ADAM22: variants seen among roughly 807,000 people sequenced by gnomAD.
The protein encoded by ADAM22 is ADAM metallopeptidase domain 22.
In ADAM22, 65 loss-of-function variants were observed where a neutral mutation model predicts 144.6. The observed-to-expected ratio is 0.45, with a 90% CI of 0.37 to 0.55. The LOEUF is 0.55. ADAM22 is among the 20% of genes least tolerant of loss of function. The probability of loss-of-function intolerance (pLI) is 0.00; values close to 1 mark genes in which losing one functional copy is unlikely to be tolerated. For missense variants in ADAM22, 974 were observed against 1,184.9 expected (o/e 0.82, Z 2.61); for synonymous variants, 391 against 412.6 (o/e 0.95, Z 0.63).
intron 2 of ADAM22, among the ~76,000 whole-genome samples, chr7:87,968,497 C>G (rs1849672163): frequency 2.0e-5 from 3 of 152,064 alleles, no homozygotes; most frequent in Admixed American, 6.6e-5. Flanking sequence ...ATGATCGCAT[C>G]TCTGAATAGC....
At chr7:88,001,623 T>A (rs1000221387) in intron 3 of ADAM22, among the ~76,000 whole-genome samples, 7 of 151,572 alleles carry the variant, frequency 4.6e-5, no homozygotes, top group African/African-American at 1.7e-4. Context: ...ATCTGGGGAG[T>A]GTGCTTATTC....
intron 4 of ADAM22, among the ~76,000 whole-genome samples, chr7:88,093,782 A>G (rs983580623): frequency 6.6e-6 from 1 of 152,078 alleles, no homozygotes; most frequent in African/African-American, 2.4e-5. Context: ...CAAGTGATCT[A>G]CCTGCCTCAG....
intron 4 of ADAM22, among the ~76,000 whole-genome samples, chr7:88,079,480 A>G (rs1815804606): frequency 6.6e-6 from 1 of 152,230 alleles, no homozygotes; most frequent in Non-Finnish European, 1.5e-5. Flanking sequence ...TGACAGGATC[A>G]AAATCACACA....
chr7:88,123,845 T>C (rs766385102), intron 7 of ADAM22, among the ~76,000 whole-genome samples: 1 of 152,010 alleles, frequency 6.6e-6, no homozygotes, highest in Non-Finnish European at 1.5e-5. Flanking sequence ...TAAATTACCA[T>C]GTGATTTCTT....
At position 88,165,884 on chromosome 7, in the gene ADAM22, A is replaced by T; in HGVS notation, c.2129A>T (p.Asp710Val). Residue 710 changes from aspartate (D) to valine (V), a missense_variant, in exon 24 of 32, where the codon GAT becomes GTT. By Grantham distance (152) the Asp-to-Val change is radical. Around this residue, in one of 2 missense-constraint regions of ADAM22, gnomAD observed 734 missense variants for 950.6 expected, o/e 0.77. Transcript: ENST00000413139. ...TGTAACAGACACTGGATAGGTTCTG[A>T]TTGCAACACTTACTTCCCTCACAAT... ...CVCNRHWIGS[D>V]CNTYFPHNDD... The T allele has an allele frequency of 1.2e-6, 2 of 1,612,214 alleles. No individual in the cohort carries two copies. The highest frequency in any genetic ancestry group is 2.7e-5 in the African/African-American group (2 of 74,852).
At chr7:87,973,854 C>G (rs916339199) in intron 2 of ADAM22, among the ~76,000 whole-genome samples, 2 of 151,828 alleles carry the variant, frequency 1.3e-5, no homozygotes, top group African/African-American at 4.8e-5. Flanking sequence ...AACCAAACAC[C>G]GCATATTCTC....
Position 87,965,774 on chromosome 7 carries a change from T to G in ADAM22, c.247-12562T>G, listed in dbSNP as rs80198944. On this transcript the variant is annotated intron_variant, in intron 2 of 31. Coordinates refer to ENST00000413139, the MANE Select transcript of ADAM22 (RefSeq NM_001324418.2). Reference sequence around the variant, plus strand: ...TGTGAAGAACTCACCATTCTTAGTTTTATTATTTGGACATGGCTTACTCCT... The same window carrying G: ...TGTGAAGAACTCACCATTCTTAGTTGTATTATTTGGACATGGCTTACTCCT... Among the ~76,000 whole-genome samples, 551 of 152,332 alleles carry G rather than the reference T, an allele frequency of 3.6e-3. 6 individuals are homozygous for G. Among genetic ancestry groups the G allele is most frequent in the African/African-American group, 0.013 (526 of 41,566 alleles).
rs1041940066 is a variant in ADAM22, at chr7:88,107,204, T to G, written c.391-972T>G. 7.7e-3 allele frequency among the ~76,000 whole-genome samples: 1,080 copies of G among 140,732 alleles called. 11 individuals carry two copies. Among genetic ancestry groups the G allele is most frequent in the African/African-American group, 0.028 (1,036 of 37,304 alleles). The allele number at this position is 140,732 out of a possible 152,430, so 92.3% of individuals were successfully genotyped here. A position where few individuals can be genotyped will look rare whatever the true frequency, so the allele number is the denominator to read the frequency against. ...GCTGCTCATGATTGAATTTCTTTTT[T>G]TTTTTTTTTTTTTTTTTTTGAGACA... On this transcript the variant is annotated intron_variant, in intron 4 of 31. Coordinates refer to ENST00000413139, the MANE Select transcript of ADAM22 (RefSeq NM_001324418.2).
chr7:88,200,082 T>C lies in ADAM22; in HGVS notation c.*3591T>C, dbSNP rs1010697195. 6.6e-6 allele frequency: 1 copy of C among 152,214 alleles called. No individual in the cohort carries two copies. Among genetic ancestry groups the C allele is most frequent in the African/African-American group, 2.4e-5 (1 of 41,458 alleles). 9.4% of individuals were successfully genotyped at this position (152,214 alleles called of 1,614,324 possible). A position where few individuals can be genotyped will look rare whatever the true frequency, so the allele number is the denominator to read the frequency against. ...AGATCTCTTGTGGCTACTTTACCTGTTACCTTTTTTGGGATTTTGTTCTTT... is the reference window on the plus strand; with the variant it reads ...AGATCTCTTGTGGCTACTTTACCTGCTACCTTTTTTGGGATTTTGTTCTTT... On this transcript the variant is annotated 3_prime_UTR_variant, in exon 32 of 32. Transcript: ENST00000413139.
intron 4 of ADAM22, among the ~76,000 whole-genome samples, chr7:88,099,207 A>G (rs1245599441): frequency 6.6e-6 from 1 of 152,152 alleles, no homozygotes; most frequent in African/African-American, 2.4e-5. Flanking sequence ...AAAGTCTGAA[A>G]TTTTATCCTA....
chr7:88,184,497 G>A (rs1018083492), intron 29 of ADAM22: 3 of 213,408 alleles, frequency 1.4e-5, no homozygotes, highest in Non-Finnish European at 3.0e-5. Context: ...ATCTTTGAGC[G>A]AGCCCTCATG....
At chr7:88,155,220 A>G (rs528243257) in intron 21 of ADAM22, among the ~76,000 whole-genome samples, 7 of 152,162 alleles carry the variant, frequency 4.6e-5, no homozygotes, top group African/African-American at 1.7e-4. Context: ...ATATCATTCA[A>G]TTACCAATTA....
At chr7:87,952,723 G>C (rs1415720052) in intron 2 of ADAM22, among the ~76,000 whole-genome samples, 1 of 152,096 alleles carries the variant, frequency 6.6e-6, no homozygotes. Context: ...AATGGTACCA[G>C]TTCCTCCTTG....
At chr7:88,026,417 G>C (rs1433590652) in intron 3 of ADAM22, among the ~76,000 whole-genome samples, 1 of 152,134 alleles carries the variant, frequency 6.6e-6, no homozygotes, top group African/African-American at 2.4e-5. Context: ...AAGGGGCGGT[G>C]CTAACCCATT....
chr7:88,075,152 A>C (rs979464457), intron 3 of ADAM22, among the ~76,000 whole-genome samples: 1 of 152,190 alleles, frequency 6.6e-6, no homozygotes, highest in African/African-American at 2.4e-5. Flanking sequence ...GATGGTATAT[A>C]TTCCATTTCA....
At chr7:88,131,459 A>G in intron 11 of ADAM22, 24 bp downstream of exon 11, 3 of 1,607,824 alleles carry the variant, frequency 1.9e-6, no homozygotes, top group East Asian at 2.2e-5. Context: ...GTAATGATGT[A>G]TTACTTTTTT....
At position 88,151,040 on chromosome 7, in the gene ADAM22, C is replaced by T; in HGVS notation, c.1617+9C>T. 1.9e-6 allele frequency: 3 copies of T among 1,612,664 alleles called. No individual in the cohort carries two copies. The highest frequency in any genetic ancestry group is 1.7e-6 in the Non-Finnish European group (2 of 1,178,984). Reference sequence around the variant, plus strand: ...CATGTGATGGTGTTCAGGTAGGTCACTTCATTTTTACCTATGTTTTTCACA... The same window carrying T: ...CATGTGATGGTGTTCAGGTAGGTCATTTCATTTTTACCTATGTTTTTCACA... On this transcript the variant is annotated intron_variant, in intron 19 of 31. Coordinates refer to ENST00000413139, the MANE Select transcript of ADAM22 (RefSeq NM_001324418.2).
At chr7:88,193,581 A>G (rs1195755570) in intron 31 of ADAM22, among the ~76,000 whole-genome samples, 2 of 152,180 alleles carry the variant, frequency 1.3e-5, no homozygotes. Context: ...ACATTCCTGA[A>G]ACATATCAGT....
At chr7:88,190,516 A>T (rs1406313641) in intron 30 of ADAM22, among the ~76,000 whole-genome samples, 4 of 152,178 alleles carry the variant, frequency 2.6e-5, no homozygotes, top group African/African-American at 9.7e-5. Context: ...AGACTGGGTG[A>T]CAGAGTGAGA....
Sources: gnomAD v4.1 joint callset for allele counts (sites outside exome capture counted in the v4.1 genomes callset) on GRCh38, gnomAD v4.1.1 for gene constraint, gnomAD v4.1.1 regional missense constraint, MANE v1.5 for transcripts, NCBI Gene and HGNC (gene_info 2026-07-23, HGNC 2026-07-21) for gene names.